Variants in SULT2B1 observed in about 807,000 individuals in gnomAD.
SULT2B1 encodes sulfotransferase 2B1.
A neutral mutation model predicts 33.2 loss-of-function variants in SULT2B1; 16 were observed. The observed-to-expected ratio is 0.48, with a 90% CI of 0.33 to 0.73. The LOEUF (loss-of-function observed/expected upper bound fraction) is 0.73, where lower values mean the gene tolerates loss of function less well. Among genes scored for constraint, SULT2B1 ranks in the 30% least tolerant of loss-of-function variants. The pLI is 0.02. For missense variants in SULT2B1, 500 were observed against 506.0 expected (o/e 0.99, Z 0.11); for synonymous variants, 186 against 200.5 (o/e 0.93, Z 0.61).
At chr19:48,584,089 A>G (rs1973531349) in intron 2 of SULT2B1, among the ~76,000 whole-genome samples, 1 of 152,090 alleles carries the variant, frequency 6.6e-6, no homozygotes, top group Non-Finnish European at 1.5e-5. Flanking sequence ...TCCAGCCTGG[A>G]AACACAGCAA....
At position 48,576,359 on chromosome 19, in the gene SULT2B1, C is replaced by CTTTTCTTTTTTTTTTTTTTTTTTTTTTTT; in HGVS notation, c.214+280_214+281insCTTTTTTTTTTTTTTTTTTTTTTTTTTTT. Reference sequence around the variant, plus strand: ...CCTTTCCCCTTTACCCTCTACTTCTCTTTTTTTTTTTTTTTTTTGTAGAGA... The same window carrying CTTTTCTTTTTTTTTTTTTTTTTTTTTTTT: ...CCTTTCCCCTTTACCCTCTACTTCTCTTTTCTTTTTTTTTTTTTTTTTTTTTTTTTTTTTTTTTTTTTTTTTTGTAGAGA... On this transcript the variant is annotated intron_variant, in intron 2 of 6. Coordinates refer to ENST00000201586, the MANE Select transcript of SULT2B1 (RefSeq NM_177973.2). 6.2e-5 allele frequency among the ~76,000 whole-genome samples: 6 copies of CTTTTCTTTTTTTTTTTTTTTTTTTTTTTT among 96,710 alleles called. 1 individual carries two copies. The highest frequency in any genetic ancestry group is 2.1e-4 in the African/African-American group (5 of 23,306). 63.4% of individuals were successfully genotyped at this position (96,710 alleles called of 152,430 possible).
rs182265695 is a variant in SULT2B1 at position 48,572,579 on chromosome 19, G to A, written c.72-3362G>A. Among the ~76,000 whole-genome samples, 296 of 152,140 alleles carry A rather than the reference G, an allele frequency of 1.9e-3. 4 individuals carry two copies. Among genetic ancestry groups the A allele is most frequent in the Non-Finnish European group, 1.6e-3 (110 of 68,026 alleles). On this transcript the variant is annotated intron_variant, in intron 1 of 6. Transcript: ENST00000201586. ...CGAGGTGGAAGGAGGAGATGGGAAA[G>A]GCACTCAGAGAGTGGAAAATGGGCG...
In SULT2B1 at chr19:48,599,236, G is replaced by T; in HGVS notation, c.928G>T (p.Asp310Tyr). Residue 310 changes from aspartate (D) to tyrosine (Y), a missense_variant, in exon 7 of 7, where the codon GAT becomes TAT. Asp to Tyr is a radical substitution (Grantham distance 160). Transcript: ENST00000201586. The surrounding 1 kb of genome is among the most constrained non-coding windows in gnomAD (Gnocchi z 4.1). Reference protein sequence around the residue: ...QMRGMPTFPWDEDPEEDGSPD... With the variant: ...QMRGMPTFPWYEDPEEDGSPD... ...GCGGGGGATGCCGACCTTCCCCTGG[G>T]ATGAAGACCCGGAGGAGGACGGCAG... The T allele has an allele frequency of 6.2e-7, 1 of 1,609,888 alleles. No homozygotes were observed.
intron 3 of SULT2B1, among the ~76,000 whole-genome samples, chr19:48,588,356 T>C (rs1176318944): frequency 6.6e-6 from 1 of 150,552 alleles, no homozygotes; most frequent in Non-Finnish European, 1.5e-5. Context: ...CTACTAAAAA[T>C]ACAAAGTTAG....
chr19:48,573,846 CACG>C (rs1300844764), intron 1 of SULT2B1, among the ~76,000 whole-genome samples: 12 of 152,042 alleles, frequency 7.9e-5, no homozygotes, highest in East Asian at 1.9e-4. Flanking sequence ...CCACCCACTG[CACG>C]ACAATTGGTT....
At chr19:48,590,053 C>G (rs1040516834) in intron 3 of SULT2B1, among the ~76,000 whole-genome samples, 1 of 152,082 alleles carries the variant, frequency 6.6e-6, no homozygotes, top group African/African-American at 2.4e-5. Flanking sequence ...GATCTTGGCT[C>G]ACTGCAACCT....
At chr19:48,570,229 G>C (rs1332071415) in intron 1 of SULT2B1, among the ~76,000 whole-genome samples, 1 of 151,058 alleles carries the variant, frequency 6.6e-6, no homozygotes, top group Non-Finnish European at 1.5e-5. Context: ...GCCCAGGCTG[G>C]AGTGCAATGG....
intron 1 of SULT2B1, among the ~76,000 whole-genome samples, chr19:48,562,675 C>CTTTA (rs928042784): frequency 4.6e-5 from 7 of 151,760 alleles, no homozygotes; most frequent in South Asian, 2.1e-4. Flanking sequence ...TTTATATAGA[C>CTTTA]TTTATTTATT....
In SULT2B1 at chr19:48,591,638, C is replaced by T. The variant is rs778576144; in HGVS notation, c.453C>T (p.Asp151=). The T allele has an allele frequency of 1.9e-5, 30 of 1,613,342 alleles. No individual in the cohort carries two copies. The Admixed American group carries it at 3.0e-4, about 16-fold the overall frequency. The change falls in exon 4 of 7, where the codon GAC becomes GAT. Residue 151 remains aspartate, a synonymous_variant. Coordinates refer to ENST00000201586, the MANE Select transcript of SULT2B1 (RefSeq NM_177973.2). ...TCTACATGGGCCGCAACCCCCGGGA[C>T]GTTGTGGTCTCCCTCTATCATTACT... ...KVIYMGRNPR[D]VVVSLYHYSK... is the part of the protein sequence containing the mutation.
intron 1 of SULT2B1, among the ~76,000 whole-genome samples, chr19:48,556,102 G>A (rs1169895519): frequency 6.6e-6 from 1 of 152,158 alleles, no homozygotes; most frequent in Non-Finnish European, 1.5e-5. Context: ...GTGCACCAGC[G>A]CAGTGTCCTT....
At chr19:48,592,666 G>C (rs1973658357) in intron 4 of SULT2B1, 56 bp from the exon 5 acceptor site, 14 of 1,461,552 alleles carry the variant, frequency 9.6e-6, no homozygotes, top group Non-Finnish European at 1.3e-5. Flanking sequence ...GAGCCCCAGT[G>C]GGGCTGGGGG....
intron 1 of SULT2B1, among the ~76,000 whole-genome samples, chr19:48,560,448 C>T (rs1973160965): frequency 6.6e-6 from 1 of 151,740 alleles, no homozygotes; most frequent in South Asian, 2.1e-4. Context: ...GAACTGCAGT[C>T]AGAGGCTGCC....
At position 48,596,796 on chromosome 19, in the gene SULT2B1, G is replaced by A. The variant is rs542643724; in HGVS notation, c.703G>A (p.Glu235Lys). The A allele has an allele frequency of 2.5e-6, 4 of 1,609,668 alleles. No homozygotes were observed. In the South Asian group the frequency reaches 3.3e-5, roughly 13 times the overall value. ...CGFLGRPLGK[E>K]ALGSVVAHST... ...GTTCCTGGGCCGTCCGCTGGGCAAG[G>A]AGGCACTGGGCTCCGTCGTGGCACA... is the stretch of plus-strand genomic sequence containing the variant. Residue 235 changes from glutamate to lysine, a missense_variant, in exon 6 of 7, where the codon GAG becomes AAG. Coordinates refer to ENST00000201586, the MANE Select transcript of SULT2B1 (RefSeq NM_177973.2).
chr19:48,589,598 A>G (rs1352192613), intron 3 of SULT2B1, among the ~76,000 whole-genome samples: 1 of 152,148 alleles, frequency 6.6e-6, no homozygotes, highest in East Asian at 1.9e-4. Context: ...GACTTAGCAA[A>G]ACTCATAGTG....
chr19:48,576,354 C>CATTTTTT (rs1973406430), intron 2 of SULT2B1, among the ~76,000 whole-genome samples: 2 of 79,878 alleles, frequency 2.5e-5, no homozygotes, highest in Non-Finnish European at 4.6e-5. Flanking sequence ...TTACCCTCTA[C>CATTTTTT]TTCTCTTTTT....
chr19:48,560,945 AG>A (rs1973168736), intron 1 of SULT2B1, among the ~76,000 whole-genome samples: 1 of 151,534 alleles, frequency 6.6e-6, no homozygotes, highest in Non-Finnish European at 1.5e-5. Context: ...CTGGGCAACA[AG>A]AGCAAAACTC....
intron 5 of SULT2B1, among the ~76,000 whole-genome samples, chr19:48,594,991 C>T (rs1174996843): frequency 6.6e-6 from 1 of 150,776 alleles, no homozygotes; most frequent in Non-Finnish European, 1.5e-5. Context: ...CACTGCACTC[C>T]AGCCTGGGTG....
chr19:48,565,365 TGAGA>T (rs775030717), intron 1 of SULT2B1, among the ~76,000 whole-genome samples: 15 of 151,688 alleles, frequency 9.9e-5, no homozygotes, highest in Admixed American at 3.3e-4. Context: ...TGTGTATGTG[TGAGA>T]GAGAGAGACA....
chr19:48,586,220 C>T (rs1973559841), intron 2 of SULT2B1, among the ~76,000 whole-genome samples: 1 of 151,800 alleles, frequency 6.6e-6, no homozygotes, highest in Non-Finnish European at 1.5e-5. Flanking sequence ...AGATTCTGTC[C>T]CCAAAAAAAT....
Sources: allele counts gnomAD v4.1 joint callset (sites outside exome capture counted in the v4.1 genomes callset), GRCh38; gene constraint gnomAD v4.1.1; non-coding constraint Gnocchi (gnomAD v3.1); transcripts MANE v1.5; gene names NCBI Gene and HGNC (gene_info 2026-07-23, HGNC 2026-07-21).